Variants in DNAH7 observed in about 807,000 individuals in gnomAD.
DNAH7 encodes the protein dynein axonemal heavy chain 7.
A neutral mutation model predicts 444.6 loss-of-function variants in DNAH7; 397 were observed. The ratio of observed to expected loss-of-function variants is 0.89; its 90% CI spans 0.82 to 0.97. The LOEUF is 0.97. Among genes scored for constraint, DNAH7 ranks in the 50% least tolerant of loss-of-function variants. DNAH7 has a pLI of 0.00. For synonymous variants in DNAH7, 1,636 were observed against 1,624.4 expected (o/e 1.01, Z -0.17); for missense variants, 4,902 against 4,800.8 (o/e 1.02, Z -0.62).
chr2:195,770,503 T>C (rs553544795), intron 61 of DNAH7, among the ~76,000 whole-genome samples: 75 of 152,162 alleles, frequency 4.9e-4, no homozygotes, highest in Non-Finnish European at 9.7e-4. Context: ...CCCAGCTTGT[T>C]TTCTCTTGGC....
chr2:195,867,704 G>C (rs1305741527), intron 40 of DNAH7, among the ~76,000 whole-genome samples: 2 of 152,066 alleles, frequency 1.3e-5, no homozygotes, highest in South Asian at 4.1e-4. Flanking sequence ...TTTTGTGTAT[G>C]GACTTTTTAA....
chr2:195,797,388 A>T (rs1696202892), intron 55 of DNAH7, among the ~76,000 whole-genome samples: 1 of 152,156 alleles, frequency 6.6e-6, no homozygotes, highest in African/African-American at 2.4e-5. Context: ...CCCATGGCTT[A>T]TTGTCACTAG....
At chr2:196,046,640 T>A (rs1164769145) in intron 5 of DNAH7, among the ~76,000 whole-genome samples, 1 of 151,682 alleles carries the variant, frequency 6.6e-6, no homozygotes, top group Non-Finnish European at 1.5e-5. Context: ...TGCATGGGAC[T>A]CCGATACACT....
rs182555418 is a variant in DNAH7, at chr2:196,068,408, C to T, written c.15+289G>A. 630 of 453,668 alleles carry T rather than the reference C, an allele frequency of 1.4e-3. 5 individuals carry two copies. Among genetic ancestry groups the T allele is most frequent in the African/African-American group, 0.012 (574 of 49,552 alleles). 28.1% of individuals were successfully genotyped at this position (453,668 alleles called of 1,614,324 possible). ...AGAGCCGCCTCTCACCCAAGCACAC[C>T]GCCATTAGCACTCTGGGGGTGCTCT... On this transcript the variant is annotated intron_variant, in intron 1 of 64. Transcript: ENST00000312428.
At chr2:195,779,127 C>G (rs1851147) in intron 58 of DNAH7, among the ~76,000 whole-genome samples, 152,361 of 152,364 alleles carry the variant, frequency 1, 76,179 homozygotes, top group Non-Finnish European at 1. Context: ...ACAGGCGTGA[C>G]GTACCGCTCC....
At chr2:195,988,563 CATA>C (rs1024115230) in intron 12 of DNAH7, among the ~76,000 whole-genome samples, 1 of 152,010 alleles carries the variant, frequency 6.6e-6, no homozygotes. Flanking sequence ...TTTTAATTCA[CATA>C]ATTATACATA....
chr2:195,856,810 C>A (rs943677690), intron 44 of DNAH7, among the ~76,000 whole-genome samples: 2 of 152,144 alleles, frequency 1.3e-5, no homozygotes, highest in Admixed American at 6.5e-5. Context: ...TCCAACTAAA[C>A]CTCTGTGTGA....
At chr2:195,740,603 GTGTGTGTGTGTGTATATATA>G (rs1426676456) in intron 64 of DNAH7, among the ~76,000 whole-genome samples, 143 bp downstream of exon 64, 7 of 52,026 alleles carry the variant, frequency 1.3e-4, no homozygotes, top group African/African-American at 7.1e-4. Context: ...GTGTGTGTGT[GTGTGTGTGTGTGTATATATA>G]TATATATATA....
intron 15 of DNAH7, 92 bp from the exon 16 acceptor site, chr2:195,972,558 A>G: frequency 1.1e-6 from 1 of 924,430 alleles, no homozygotes; most frequent in Middle Eastern, 2.3e-4. Flanking sequence ...CTATGCACAG[A>G]CTTATTAGAA....
At chr2:196,002,945 T>C (rs543786970) in intron 10 of DNAH7, among the ~76,000 whole-genome samples, 1 of 152,028 alleles carries the variant, frequency 6.6e-6, no homozygotes, top group African/African-American at 2.4e-5. Context: ...GAAGCAGAAG[T>C]TGCAGTGAGC....
intron 57 of DNAH7, among the ~76,000 whole-genome samples, chr2:195,789,922 A>T (rs900519275): frequency 1.3e-5 from 2 of 152,212 alleles, no homozygotes; most frequent in Non-Finnish European, 2.9e-5. Flanking sequence ...TACCTGGAAA[A>T]CACCAAAGAC....
Position 195,888,437 on chromosome 2 carries a change from G to C in DNAH7, c.5230-3C>G. ...TAAATCATGCCACATCTGGAAACCT[G>C]GAAAGCCATAATTGGTTACCATCAA... On this transcript the variant is annotated splice_region_variant and splice_polypyrimidine_tract_variant and intron_variant, in intron 32 of 64. Coordinates refer to ENST00000312428, the MANE Select transcript of DNAH7 (RefSeq NM_018897.3). 1 of 1,581,364 alleles carries C rather than the reference G, an allele frequency of 6.3e-7. No homozygotes were observed. The highest frequency in any genetic ancestry group is 8.5e-7 in the Non-Finnish European group (1 of 1,170,706).
chr2:195,946,715 C>G (rs1574848591), intron 19 of DNAH7, among the ~76,000 whole-genome samples: 4 of 152,252 alleles, frequency 2.6e-5, no homozygotes, highest in Admixed American at 2.6e-4. Flanking sequence ...CTTTCTCTCT[C>G]CCCATCCCTC....
intron 12 of DNAH7, among the ~76,000 whole-genome samples, chr2:195,991,186 A>C (rs1348938088): frequency 6.6e-6 from 1 of 151,960 alleles, no homozygotes; most frequent in Non-Finnish European, 1.5e-5. Context: ...AGCATACAAC[A>C]CAAAGCTAAA....
At chr2:196,067,804 G>A (rs13387358) in intron 1 of DNAH7, among the ~76,000 whole-genome samples, 53 of 152,284 alleles carry the variant, frequency 3.5e-4, no homozygotes, top group African/African-American at 1.2e-3. Flanking sequence ...AAAGCTAAAT[G>A]AAATTTGCAG....
At chr2:195,985,391 G>A (rs532480547) in intron 14 of DNAH7, among the ~76,000 whole-genome samples, 16 of 152,158 alleles carry the variant, frequency 1.1e-4, no homozygotes, top group Non-Finnish European at 2.4e-4. Flanking sequence ...AAAATCAACC[G>A]GGAAGGAGAG....
chr2:195,900,730 T>G (rs1686651566), intron 27 of DNAH7: 1 of 402,020 alleles, frequency 2.5e-6, no homozygotes, highest in Non-Finnish European at 4.5e-6. Flanking sequence ...TCTAGTGTAC[T>G]GTAGCACTGT....
At chr2:196,017,985 T>C (rs1695134982) in intron 9 of DNAH7, among the ~76,000 whole-genome samples, 1 of 152,156 alleles carries the variant, frequency 6.6e-6, no homozygotes, top group Non-Finnish European at 1.5e-5. Flanking sequence ...AAGGAAACTA[T>C]AAACTCAGTC....
intron 11 of DNAH7, 31 bp from the exon 12 acceptor site, chr2:196,000,914 A>C (rs138382732): frequency 6.7e-7 from 1 of 1,491,984 alleles, no homozygotes; most frequent in Non-Finnish European, 9.0e-7. Flanking sequence ...TACATACATA[A>C]ATATGTATGA....
Sources: allele counts gnomAD v4.1 joint callset (sites outside exome capture counted in the v4.1 genomes callset), GRCh38; gene constraint gnomAD v4.1.1; transcripts MANE v1.5; gene names NCBI Gene and HGNC (gene_info 2026-07-23, HGNC 2026-07-21).